The following PPP1R9A variants were observed in gnomAD, a reference collection of about 807,000 sequenced individuals.
PPP1R9A encodes neurabin-1.
Under a neutral mutation model 141.9 loss-of-function variants are expected in PPP1R9A, and 59 were observed. The observed-to-expected ratio is 0.42, with a 90% confidence interval of 0.34 to 0.52. The LOEUF is 0.52. PPP1R9A is among the 20% of genes least tolerant of loss of function. PPP1R9A has a pLI of 0.10. For synonymous variants in PPP1R9A, 500 were observed against 569.7 expected (o/e 0.88, Z 1.74); for missense variants, 1,444 against 1,611.9 (o/e 0.90, Z 1.78).
intron 4 of PPP1R9A, among the ~76,000 whole-genome samples, chr7:95,151,774 A>G (rs563126419): frequency 1.3e-5 from 2 of 151,878 alleles, no homozygotes; most frequent in South Asian, 4.2e-4. Context: ...TTCCCACTTA[A>G]TTTTGTTCTG....
chr7:95,083,945 A>T (rs539430405), intron 2 of PPP1R9A, among the ~76,000 whole-genome samples: 1 of 152,174 alleles, frequency 6.6e-6, no homozygotes, highest in South Asian at 2.1e-4. Flanking sequence ...TGAATATGAG[A>T]AATTTTGAAA....
At chr7:94,959,971 CTTTA>C (rs1170506756) in intron 2 of PPP1R9A, among the ~76,000 whole-genome samples, 1 of 151,612 alleles carries the variant, frequency 6.6e-6, no homozygotes, top group African/African-American at 2.4e-5. Context: ...ATATATCAAA[CTTTA>C]TTTATTGATA....
chr7:95,257,721 G>T (rs1230139571), intron 12 of PPP1R9A, among the ~76,000 whole-genome samples: 1 of 151,780 alleles, frequency 6.6e-6, no homozygotes, highest in African/African-American at 2.4e-5. Context: ...CTGTGTCCAT[G>T]TGTTCTCACT....
intron 2 of PPP1R9A, among the ~76,000 whole-genome samples, chr7:95,108,307 CTTTTTTTTTTT>C (rs1166103728): frequency 6.7e-5 from 4 of 59,616 alleles, no homozygotes; most frequent in East Asian, 4.0e-4. Flanking sequence ...CGTTTCTTTT[CTTTTTTTTTTT>C]TTTTTTTTTT....
intron 12 of PPP1R9A, among the ~76,000 whole-genome samples, chr7:95,255,207 T>A (rs1028450187): frequency 3.3e-5 from 5 of 152,066 alleles, no homozygotes; most frequent in Non-Finnish European, 7.4e-5. Context: ...AGAGAATAGG[T>A]ATGTTAGAGT....
chr7:95,252,206 A>T lies in PPP1R9A; in HGVS notation c.2665+76A>T. 5 of 1,426,424 alleles carry T rather than the reference A, an allele frequency of 3.5e-6. No individual in the cohort carries two copies. The South Asian group carries it at 8.8e-5, about 25-fold the overall frequency. 88.4% of individuals were successfully genotyped at this position (1,426,424 alleles called of 1,614,324 possible). On this transcript the variant is annotated intron_variant, in intron 12 of 19. Transcript: ENST00000433360. ...CCTTTTATTTTTCTTTTTCTGACCC[A>T]GAGATTTAAAAGTTGGAAATACCTT...
At chr7:94,911,565 T>G in intron 2 of PPP1R9A, 57 bp downstream of exon 2, 3 of 1,356,520 alleles carry the variant, frequency 2.2e-6, no homozygotes, top group Non-Finnish European at 3.0e-6. Context: ...TAGGGCCTAA[T>G]TGTATGTAGA....
At chr7:94,917,121 T>C (rs1792177289) in intron 2 of PPP1R9A, among the ~76,000 whole-genome samples, 1 of 152,188 alleles carries the variant, frequency 6.6e-6, no homozygotes, top group East Asian at 1.9e-4. Flanking sequence ...CAGCCGATGG[T>C]ATAACATTTA....
At chr7:95,147,599 T>A (rs1210442634) in intron 4 of PPP1R9A, among the ~76,000 whole-genome samples, 1 of 152,214 alleles carries the variant, frequency 6.6e-6, no homozygotes, top group Non-Finnish European at 1.5e-5. Context: ...TGCTTGCAGC[T>A]TTTGCCCATT....
At chr7:95,257,983 G>T (rs1420454317) in intron 12 of PPP1R9A, among the ~76,000 whole-genome samples, 1 of 152,140 alleles carries the variant, frequency 6.6e-6, no homozygotes, top group Non-Finnish European at 1.5e-5. Context: ...ACATATGTGT[G>T]CATGTGTCTT....
At chr7:95,118,489 G>C (rs1319953752) in intron 3 of PPP1R9A, among the ~76,000 whole-genome samples, 3 of 152,110 alleles carry the variant, frequency 2.0e-5, no homozygotes, top group Admixed American at 2.0e-4. Context: ...AGCTCATCCA[G>C]GGGAAACACT....
chr7:95,175,798 A>G (rs1358130507), intron 5 of PPP1R9A, among the ~76,000 whole-genome samples: 1 of 152,214 alleles, frequency 6.6e-6, no homozygotes, highest in Non-Finnish European at 1.5e-5. Context: ...TATGGGTTTA[A>G]TAACTTTGAC....
chr7:94,936,089 T>C (rs1794735921), intron 2 of PPP1R9A, among the ~76,000 whole-genome samples: 1 of 152,196 alleles, frequency 6.6e-6, no homozygotes, highest in Non-Finnish European at 1.5e-5. Context: ...TAAATTAAAG[T>C]AATTTTCCTC....
chr7:95,037,352 A>T (rs774610584), intron 2 of PPP1R9A, among the ~76,000 whole-genome samples: 1 of 152,180 alleles, frequency 6.6e-6, no homozygotes, highest in Admixed American at 6.5e-5. Context: ...GAAATTTTTA[A>T]ATTAGTGATT....
chr7:95,039,663 G>A (rs1808940798), intron 2 of PPP1R9A, among the ~76,000 whole-genome samples: 1 of 151,022 alleles, frequency 6.6e-6, no homozygotes, highest in African/African-American at 2.4e-5. Flanking sequence ...GATGAGGAAA[G>A]AATAAATAAG....
intron 4 of PPP1R9A, among the ~76,000 whole-genome samples, chr7:95,124,547 C>T (rs1381023221): frequency 6.6e-6 from 1 of 152,006 alleles, no homozygotes; most frequent in African/African-American, 2.4e-5. Context: ...TGAATTAAAA[C>T]TAAAAATGAT....
intron 2 of PPP1R9A, among the ~76,000 whole-genome samples, chr7:94,985,363 A>C (rs1411934350): frequency 6.6e-6 from 1 of 152,158 alleles, no homozygotes; most frequent in Non-Finnish European, 1.5e-5. Flanking sequence ...GCTGAGTTCA[A>C]GTCCTGGATA....
At chr7:95,141,811 T>C (rs536722280) in intron 4 of PPP1R9A, among the ~76,000 whole-genome samples, 2 of 152,310 alleles carry the variant, frequency 1.3e-5, no homozygotes, top group East Asian at 3.9e-4. Context: ...ACTTTTGGGC[T>C]CTTAAGAATA....
At position 95,295,670 on chromosome 7, in the gene PPP1R9A, T is replaced by A. The variant is rs907025301; in HGVS notation, c.*5367T>A. 1.3e-5 allele frequency: 2 copies of A among 152,242 alleles called. No homozygotes were observed. Among genetic ancestry groups the A allele is most frequent in the Non-Finnish European group, 2.9e-5 (2 of 68,042 alleles). The allele number at this position is 152,242 out of a possible 1,614,324, so 9.4% of individuals were successfully genotyped here. On this transcript the variant is annotated 3_prime_UTR_variant, in exon 20 of 20. Coordinates refer to ENST00000433360, the MANE Select transcript of PPP1R9A (RefSeq NM_001166160.2). ...GTTGTTGGAAGGTGTACACTTCTGTTTCTTTCAGCTGTATTATTTATACAC... is the reference window on the plus strand; with the variant it reads ...GTTGTTGGAAGGTGTACACTTCTGTATCTTTCAGCTGTATTATTTATACAC...
Sources: gnomAD v4.1 joint callset for allele counts (sites outside exome capture counted in the v4.1 genomes callset) on GRCh38, gnomAD v4.1.1 for gene constraint, MANE v1.5 for transcripts, NCBI Gene and HGNC (gene_info 2026-07-23, HGNC 2026-07-21) for gene names.